The following SEMA4D variants were observed in gnomAD, a reference collection of about 807,000 sequenced individuals.
The protein encoded by SEMA4D is semaphorin-4D.
SEMA4D carries 22 observed loss-of-function variants against 74.8 expected under a neutral mutation model. The ratio of observed to expected loss-of-function variants is 0.29; its 90% CI spans 0.21 to 0.42. The LOEUF (loss-of-function observed/expected upper bound fraction) is 0.42, where lower values mean the gene tolerates loss of function less well. Ranked by LOEUF, SEMA4D falls within the 10% of genes least tolerant of loss-of-function variation. SEMA4D has a pLI of 1.00. For missense variants in SEMA4D, 937 were observed against 1,118.4 expected, an observed-to-expected ratio of 0.84 and a Z score of 2.31; for synonymous variants, 445 against 463.7, an observed-to-expected ratio of 0.96 and a Z score of 0.52.
intron 2 of SEMA4D, among the ~76,000 whole-genome samples, chr9:89,448,716 C>T (rs1057233434): frequency 6.6e-6 from 1 of 152,242 alleles, no homozygotes; most frequent in Non-Finnish European, 1.5e-5. Context: ...GCGGGCATGA[C>T]AGCATTGCCC....
At chr9:89,489,816 A>G (rs910985907) in intron 1 of SEMA4D, among the ~76,000 whole-genome samples, 1 of 152,230 alleles carries the variant, frequency 6.6e-6, no homozygotes, top group African/African-American at 2.4e-5. Context: ...ACAGCCGTGT[A>G]TAAGTTTTTG....
intron 2 of SEMA4D, chr9:89,450,702 C>T: frequency 1.8e-6 from 2 of 1,085,966 alleles, no homozygotes; most frequent in Admixed American, 2.4e-5. Flanking sequence ...TCCAAGACTG[C>T]AGAGAATGCC....
chr9:89,434,870 T>A (rs12340857), intron 2 of SEMA4D, among the ~76,000 whole-genome samples: 1 of 152,178 alleles, frequency 6.6e-6, no homozygotes. Context: ...GGCCAGGCCC[T>A]GTCTAAAGGG....
At chr9:89,461,734 G>A (rs34929899) in intron 1 of SEMA4D, among the ~76,000 whole-genome samples, 17,306 of 118,376 alleles carry the variant, frequency 0.15, 1,445 homozygotes, top group Non-Finnish European at 0.2. Context: ...ACAGAGTCTC[G>A]CTCTCCCTCC....
intron 12 of SEMA4D, chr9:89,387,110 G>A (rs577178017): frequency 9.4e-5 from 36 of 384,242 alleles, no homozygotes; most frequent in South Asian, 1.3e-4. Context: ...ACTCCTCGGC[G>A]GCCAGTACTC....
chr9:89,433,810 A>G (rs1849792774), intron 2 of SEMA4D, among the ~76,000 whole-genome samples: 1 of 152,212 alleles, frequency 6.6e-6, no homozygotes, highest in Non-Finnish European at 1.5e-5. Context: ...CCCGGGGCTC[A>G]GACAGTATCT....
intron 6 of SEMA4D, among the ~76,000 whole-genome samples, chr9:89,394,466 A>G (rs1257618209): frequency 6.6e-6 from 1 of 152,380 alleles, no homozygotes; most frequent in East Asian, 1.9e-4. Flanking sequence ...AGCAAGTGAC[A>G]GAAGAAACCC....
intron 2 of SEMA4D, chr9:89,449,757 G>GA (rs1853895765): frequency 6.6e-7 from 1 of 1,520,166 alleles, no homozygotes; most frequent in Non-Finnish European, 9.1e-7. Flanking sequence ...CTTCAAGAAA[G>GA]AAAAAGAGAT....
At chr9:89,482,572 C>A (rs371884089) in intron 1 of SEMA4D, among the ~76,000 whole-genome samples, 1 of 152,186 alleles carries the variant, frequency 6.6e-6, no homozygotes, top group Non-Finnish European at 1.5e-5. Context: ...CCCAGCCCAG[C>A]AGTTTGGGGA....
chr9:89,450,804 C>T (rs868008676), intron 2 of SEMA4D: 2 of 781,122 alleles, frequency 2.6e-6, no homozygotes, highest in South Asian at 1.7e-5. Context: ...CCCCTTCCCA[C>T]CACACCCTAG....
chr9:89,400,826 C>A (rs1343893127), intron 4 of SEMA4D, among the ~76,000 whole-genome samples: 1 of 152,136 alleles, frequency 6.6e-6, no homozygotes, highest in Non-Finnish European at 1.5e-5. Context: ...CTCTCCCCAA[C>A]CCCGAGGGAC....
intron 15 of SEMA4D, 74 bp downstream of exon 15, chr9:89,380,981 G>A: frequency 6.4e-7 from 1 of 1,552,492 alleles, no homozygotes; most frequent in East Asian, 2.2e-5. Context: ...AAATGCCACA[G>A]AACTGAAGCA....
At chr9:89,458,189 G>T (rs1238368024) in intron 1 of SEMA4D, among the ~76,000 whole-genome samples, 1 of 152,208 alleles carries the variant, frequency 6.6e-6, no homozygotes, top group Non-Finnish European at 1.5e-5. Context: ...GTGAGTGGCT[G>T]CGCAGGAAAC....
At chr9:89,408,194 A>G (rs1048313738) in intron 2 of SEMA4D, among the ~76,000 whole-genome samples, 1 of 152,234 alleles carries the variant, frequency 6.6e-6, no homozygotes, top group East Asian at 1.9e-4. Context: ...AGCATCTGAT[A>G]ATAATAATGT....
chr9:89,490,512 C>A (rs1320384513), intron 1 of SEMA4D, among the ~76,000 whole-genome samples: 1 of 152,100 alleles, frequency 6.6e-6, no homozygotes, highest in Non-Finnish European at 1.5e-5. Flanking sequence ...GTGTGGCATT[C>A]AATAAATTAT....
intron 2 of SEMA4D, among the ~76,000 whole-genome samples, chr9:89,443,387 C>G (rs935693957): frequency 2.0e-5 from 3 of 152,262 alleles, no homozygotes; most frequent in African/African-American, 7.2e-5. Flanking sequence ...CGGGGCCTGG[C>G]TGCCCTGTCC....
intron 1 of SEMA4D, among the ~76,000 whole-genome samples, chr9:89,496,743 A>G (rs1826045885): frequency 6.6e-6 from 1 of 152,180 alleles, no homozygotes; most frequent in Non-Finnish European, 1.5e-5. Flanking sequence ...GACACAGTAA[A>G]CATTCCCAAA....
chr9:89,370,849 CGT>C (rs924316118), intron 16 of SEMA4D, among the ~76,000 whole-genome samples: 8 of 59,166 alleles, frequency 1.4e-4, no homozygotes, highest in Admixed American at 6.9e-4. Flanking sequence ...GTGTGTCGGG[CGT>C]GTGTGTGTGG....
intron 2 of SEMA4D, among the ~76,000 whole-genome samples, chr9:89,454,232 G>A (rs770246239): frequency 3.3e-5 from 5 of 152,126 alleles, no homozygotes; most frequent in East Asian, 3.9e-4. Flanking sequence ...GTCACAACCC[G>A]GCTTTCTAAA....
Sources: allele counts gnomAD v4.1 joint callset (sites outside exome capture counted in the v4.1 genomes callset), GRCh38; gene constraint gnomAD v4.1.1; transcripts MANE v1.5; gene names NCBI Gene and HGNC (gene_info 2026-07-23, HGNC 2026-07-21).